Variants in MKLN1 observed in about 807,000 individuals in gnomAD.
MKLN1 encodes the protein muskelin.
Under a neutral mutation model 99.0 loss-of-function variants are expected in MKLN1, and 18 were observed. The ratio of observed to expected loss-of-function variants is 0.18; its 90% CI spans 0.13 to 0.27. The LOEUF is 0.27. Among genes scored for constraint, MKLN1 ranks in the 10% least tolerant of loss-of-function variants. MKLN1 has a pLI of 1.00. For synonymous variants in MKLN1, 288 were observed against 293.2 expected (o/e 0.98, Z 0.18); for missense variants, 621 against 875.9 (o/e 0.71, Z 3.67).
intron 1 of MKLN1, among the ~76,000 whole-genome samples, chr7:131,371,452 T>C (rs187367207): frequency 1.3e-5 from 2 of 152,318 alleles, no homozygotes; most frequent in Admixed American, 1.3e-4. Context: ...ATGTTGCGGA[T>C]TTAAATAGCA....
intron 3 of MKLN1, among the ~76,000 whole-genome samples, chr7:131,204,689 G>A (rs1172635255): frequency 6.6e-6 from 1 of 152,042 alleles, no homozygotes; most frequent in Non-Finnish European, 1.5e-5. Flanking sequence ...CATTAGGCCG[G>A]GCGCGGTGGC....
At chr7:131,161,135 G>C (rs377716030) in intron 2 of MKLN1, among the ~76,000 whole-genome samples, 1 of 152,184 alleles carries the variant, frequency 6.6e-6, no homozygotes, top group East Asian at 1.9e-4. Context: ...GCTCAAGCTT[G>C]AGCAGTGGAA....
At chr7:131,152,500 T>C (rs200118125) in intron 2 of MKLN1, among the ~76,000 whole-genome samples, 26 of 125,236 alleles carry the variant, frequency 2.1e-4, no homozygotes, top group South Asian at 2.6e-4. Context: ...TTTCTTTTTT[T>C]CTTTTTTTTT....
At chr7:131,224,060 A>G (rs11973477) in intron 3 of MKLN1, among the ~76,000 whole-genome samples, 18,211 of 149,602 alleles carry the variant, frequency 0.12, 1,363 homozygotes, top group Middle Eastern at 0.17. Context: ...CGCTGAACCC[A>G]CCTGCATTTG....
At chr7:131,366,601 A>G (rs1300635552) in intron 1 of MKLN1, among the ~76,000 whole-genome samples, 1 of 152,148 alleles carries the variant, frequency 6.6e-6, no homozygotes, top group Non-Finnish European at 1.5e-5. Context: ...ACTTGAGGTC[A>G]GGAGTTCGAG....
chr7:131,309,736 T>TC (rs1285151970), intron 3 of MKLN1: 5 of 144,818 alleles, frequency 3.5e-5, no homozygotes, highest in African/African-American at 1.3e-4. Context: ...TTTTTTTTTT[T>TC]TTTTTTTGAG....
intron 3 of MKLN1, among the ~76,000 whole-genome samples, chr7:131,261,602 G>A (rs1304330996): frequency 2.0e-5 from 3 of 152,158 alleles, no homozygotes; most frequent in Non-Finnish European, 2.9e-5. Flanking sequence ...TCAAAGAACT[G>A]AAAACAGAAG....
chr7:131,345,861 A>G (rs780028613), intron 1 of MKLN1, among the ~76,000 whole-genome samples: 17 of 152,180 alleles, frequency 1.1e-4, no homozygotes, highest in Non-Finnish European at 2.4e-4. Flanking sequence ...TGTATATTTA[A>G]TCATCATCTG....
At chr7:131,204,232 T>C (rs1796771894) in intron 3 of MKLN1, among the ~76,000 whole-genome samples, 1 of 152,216 alleles carries the variant, frequency 6.6e-6, no homozygotes, top group Non-Finnish European at 1.5e-5. Flanking sequence ...CCATCGAATC[T>C]TGGTCTACTT....
At chr7:131,145,623 T>C (rs1236341553) in intron 2 of MKLN1, among the ~76,000 whole-genome samples, 2 of 152,012 alleles carry the variant, frequency 1.3e-5, no homozygotes, top group Non-Finnish European at 2.9e-5. Context: ...AGATCCAAGG[T>C]TTTATGTAGG....
rs186959907 is a variant in MKLN1, at chr7:131,203,784, G to C, written c.-179+810G>C. On this transcript the variant is annotated intron_variant, in intron 3 of 7. Transcript: ENST00000416992. The stretch of plus-strand genomic sequence containing the variant: ...TTTCCCACTCTCTCTGTCTCTCCCT[G>C]TCCTAAGGGAAGACTTGCTTTAGAC... 1.3e-3 allele frequency among the ~76,000 whole-genome samples: 195 copies of C among 152,216 alleles called. 1 individual carries two copies. Among genetic ancestry groups the C allele is most frequent in the African/African-American group, 4.5e-3 (188 of 41,522 alleles).
At chr7:131,342,379 A>G (rs1799433961) in intron 1 of MKLN1, among the ~76,000 whole-genome samples, 1 of 152,200 alleles carries the variant, frequency 6.6e-6, no homozygotes, top group Non-Finnish European at 1.5e-5. Flanking sequence ...GAAGATACAT[A>G]CCTATCAGTG....
intron 1 of MKLN1, among the ~76,000 whole-genome samples, chr7:131,117,555 T>C (rs1030605319): frequency 6.6e-6 from 1 of 152,244 alleles, no homozygotes; most frequent in Non-Finnish European, 1.5e-5. Flanking sequence ...GAAAAGATCT[T>C]CATGATACAT....
chr7:131,124,018 T>A (rs901652493), intron 1 of MKLN1, among the ~76,000 whole-genome samples: 2 of 152,178 alleles, frequency 1.3e-5, no homozygotes, highest in Non-Finnish European at 2.9e-5. Flanking sequence ...AAATCTGAGC[T>A]CTTTTGCATC....
intron 3 of MKLN1, among the ~76,000 whole-genome samples, chr7:131,228,988 G>A (rs1797199244): frequency 6.6e-6 from 1 of 152,160 alleles, no homozygotes; most frequent in Admixed American, 6.6e-5. Context: ...TGGTCCTAAG[G>A]TGGTCAGGTT....
At chr7:131,254,557 A>G (rs1448396584) in intron 3 of MKLN1, among the ~76,000 whole-genome samples, 3 of 152,318 alleles carry the variant, frequency 2.0e-5, no homozygotes, top group South Asian at 4.1e-4. Context: ...AGGGATGATG[A>G]CAATGCCTCA....
chr7:131,256,661 C>T (rs534503700), intron 3 of MKLN1, among the ~76,000 whole-genome samples: 1 of 152,306 alleles, frequency 6.6e-6, no homozygotes, highest in East Asian at 1.9e-4. Flanking sequence ...TTTGCAGCAA[C>T]TTGGATGCAG....
chr7:131,396,458 G>T (rs902185928), intron 4 of MKLN1, among the ~76,000 whole-genome samples: 1 of 151,984 alleles, frequency 6.6e-6, no homozygotes, highest in African/African-American at 2.4e-5. Context: ...TATTGCACTG[G>T]TTGAGACCTC....
chr7:131,138,035 C>T (rs1795677522), intron 1 of MKLN1, among the ~76,000 whole-genome samples: 1 of 151,038 alleles, frequency 6.6e-6, no homozygotes, highest in South Asian at 2.1e-4. Flanking sequence ...AAGTGATTCT[C>T]CTGCCTCAAT....
Sources: gnomAD v4.1 joint callset for allele counts (sites outside exome capture counted in the v4.1 genomes callset) on GRCh38, gnomAD v4.1.1 for gene constraint, MANE v1.5 for transcripts, NCBI Gene and HGNC (gene_info 2026-07-23, HGNC 2026-07-21) for gene names.